The following FAM81B variants were observed in gnomAD, a reference collection of about 807,000 sequenced individuals.
FAM81B encodes protein FAM81B.
FAM81B carries 60 observed loss-of-function variants against 58.7 expected under a neutral mutation model. The ratio of observed to expected loss-of-function variants is 1.02; its 90% CI spans 0.83 to 1.27. The LOEUF (loss-of-function observed/expected upper bound fraction) is 1.27, where lower values mean the gene tolerates loss of function less well. FAM81B is among the 50% of genes most tolerant of loss of function. The probability of loss-of-function intolerance (pLI) is 0.00; values close to 1 mark genes in which losing one functional copy is unlikely to be tolerated. For synonymous variants in FAM81B, 189 were observed against 179.6 expected (o/e 1.05, Z -0.42); for missense variants, 491 against 522.0 (o/e 0.94, Z 0.58).
chr5:95,392,837 G>C lies in FAM81B; in HGVS notation c.168G>C (p.Glu56Asp). ...NKSASPTATA[E>D]EQPVEPDGPL... ...GTGCCTCTCCAACTGCGACTGCAGAGGAACAGCCAGTTGAACCTGATGGCC... is the reference window on the plus strand; with the variant it reads ...GTGCCTCTCCAACTGCGACTGCAGACGAACAGCCAGTTGAACCTGATGGCC... The change falls in exon 2 of 10, where the codon GAG becomes GAC. Residue 56 changes from glutamate (E) to aspartate (D), a missense_variant. Physicochemically the swap from Glu to Asp is conservative, Grantham distance 45. Coordinates refer to ENST00000283357, the MANE Select transcript of FAM81B (RefSeq NM_152548.3). 3 of 1,612,438 alleles carry C rather than the reference G, an allele frequency of 1.9e-6. No individual in the cohort carries two copies. Among genetic ancestry groups the C allele is most frequent in the Non-Finnish European group, 2.5e-6 (3 of 1,179,362 alleles).
intron 4 of FAM81B, 124 bp downstream of exon 4, chr5:95,414,314 A>C: frequency 9.0e-7 from 1 of 1,111,998 alleles, no homozygotes; most frequent in Non-Finnish European, 1.3e-6. Flanking sequence ...TTAAGTTTAG[A>C]TGATTACATT....
At chr5:95,436,279 G>T (rs1482731177) in intron 6 of FAM81B, among the ~76,000 whole-genome samples, 10 of 152,124 alleles carry the variant, frequency 6.6e-5, no homozygotes, top group Admixed American at 6.6e-4. Context: ...TTGTGCTCAT[G>T]TCAGAATACT....
At chr5:95,440,478 TCAAA>T (rs1424346835) in intron 7 of FAM81B, 1 of 627,796 alleles carries the variant, frequency 1.6e-6, no homozygotes, top group Non-Finnish European at 3.1e-6. Flanking sequence ...CTAAGGCAAA[TCAAA>T]CAGAGGGTTT....
At chr5:95,440,601 C>T (rs1380694985) in intron 7 of FAM81B, 2 of 685,224 alleles carry the variant, frequency 2.9e-6, no homozygotes, top group Non-Finnish European at 4.9e-6. Flanking sequence ...CAGAGAGCTA[C>T]AGACAAAAAT....
chr5:95,442,423 C>T (rs1745396489), intron 7 of FAM81B, among the ~76,000 whole-genome samples: 1 of 152,176 alleles, frequency 6.6e-6, no homozygotes, highest in African/African-American at 2.4e-5. Flanking sequence ...CAGGGTGGAT[C>T]TTATTTATCC....
intron 6 of FAM81B, among the ~76,000 whole-genome samples, chr5:95,433,726 T>C (rs1222098992): frequency 6.6e-6 from 1 of 152,218 alleles, no homozygotes; most frequent in Non-Finnish European, 1.5e-5. Flanking sequence ...TCAGTACTTA[T>C]AGGGAATAAC....
chr5:95,427,972 A>C (rs1394072982), intron 5 of FAM81B, among the ~76,000 whole-genome samples: 1 of 152,150 alleles, frequency 6.6e-6, no homozygotes, highest in Admixed American at 6.5e-5. Flanking sequence ...AAATTATCAC[A>C]TGCAACTTTA....
chr5:95,413,523 G>T (rs987377624), intron 3 of FAM81B, among the ~76,000 whole-genome samples: 2 of 152,154 alleles, frequency 1.3e-5, no homozygotes, highest in African/African-American at 4.8e-5. Context: ...TTTGATCATA[G>T]AATTCTTTTG....
At chr5:95,430,454 C>T (rs1582817488) in intron 6 of FAM81B, among the ~76,000 whole-genome samples, 3 of 148,498 alleles carry the variant, frequency 2.0e-5, no homozygotes, top group South Asian at 2.1e-4. Context: ...AAAAACTAAA[C>T]AAATATATCC....
chr5:95,399,115 A>C (rs1211204017), intron 3 of FAM81B, among the ~76,000 whole-genome samples: 1 of 152,224 alleles, frequency 6.6e-6, no homozygotes, highest in African/African-American at 2.4e-5. Context: ...CATTTTGTGA[A>C]GATGAGGGTC....
intron 3 of FAM81B, among the ~76,000 whole-genome samples, chr5:95,398,451 T>TAAAAC (rs11422178): frequency 0.016 from 2,413 of 151,296 alleles, 33 homozygotes; most frequent in African/African-American, 0.041. Flanking sequence ...AATAAATAAA[T>TAAAAC]AAAAAACTTC....
At chr5:95,441,401 T>C (rs1305687581) in intron 7 of FAM81B, among the ~76,000 whole-genome samples, 2 of 152,028 alleles carry the variant, frequency 1.3e-5, no homozygotes, top group Non-Finnish European at 2.9e-5. Flanking sequence ...AAACCCCGCC[T>C]GTACTAAAAA....
chr5:95,397,332 A>G (rs1043201763), intron 3 of FAM81B, among the ~76,000 whole-genome samples: 2 of 152,254 alleles, frequency 1.3e-5, no homozygotes, highest in African/African-American at 4.8e-5. Context: ...ATATTTGGAC[A>G]GATGACTTTT....
At chr5:95,446,424 G>A in intron 7 of FAM81B, 138 bp from the exon 8 acceptor site, 1 of 822,904 alleles carries the variant, frequency 1.2e-6, no homozygotes, top group African/African-American at 1.7e-5. Flanking sequence ...CTTGCCTCTG[G>A]CACCTCCCAC....
intron 7 of FAM81B, 64 bp downstream of exon 7, chr5:95,436,970 C>A: frequency 7.9e-7 from 1 of 1,273,156 alleles, no homozygotes; most frequent in Non-Finnish European, 1.1e-6. Context: ...CTAATGAAAG[C>A]ATTGGCATGA....
At chr5:95,411,588 T>A (rs1246099556) in intron 3 of FAM81B, among the ~76,000 whole-genome samples, 1 of 152,240 alleles carries the variant, frequency 6.6e-6, no homozygotes, top group Non-Finnish European at 1.5e-5. Context: ...ATGGTAATTT[T>A]ATGCAACCAG....
At chr5:95,392,339 A>G (rs919255409) in intron 1 of FAM81B, among the ~76,000 whole-genome samples, 2 of 151,868 alleles carry the variant, frequency 1.3e-5, no homozygotes, top group South Asian at 4.2e-4. Context: ...AACATCACAC[A>G]CTGGGGCCTG....
intron 7 of FAM81B, 58 bp from the exon 8 acceptor site, chr5:95,446,504 C>G (rs1745563758): frequency 6.9e-7 from 1 of 1,441,844 alleles, no homozygotes; most frequent in Admixed American, 2.6e-5. Context: ...TTTTTCAATA[C>G]TAATTTTTTA....
intron 7 of FAM81B, among the ~76,000 whole-genome samples, chr5:95,445,962 T>G (rs970779051): frequency 1.4e-4 from 21 of 152,332 alleles, no homozygotes; most frequent in African/African-American, 5.1e-4. Context: ...CAGCTAAGAA[T>G]GGCTTCTATG....
Sources: gnomAD v4.1 joint callset for allele counts (sites outside exome capture counted in the v4.1 genomes callset) on GRCh38, gnomAD v4.1.1 for gene constraint, MANE v1.5 for transcripts, NCBI Gene and HGNC (gene_info 2026-07-23, HGNC 2026-07-21) for gene names.